ESPL1: variants seen among roughly 807,000 people sequenced by gnomAD.
ESPL1 encodes separin.
A neutral mutation model predicts 217.2 loss-of-function variants in ESPL1; 50 were observed. That is an observed-to-expected ratio of 0.23 (90% confidence interval 0.18 to 0.29). The LOEUF (loss-of-function observed/expected upper bound fraction) is 0.29. ESPL1 is among the 10% of genes least tolerant of loss of function. The probability of loss-of-function intolerance (pLI) is 1.00; values close to 1 mark genes in which losing one functional copy is unlikely to be tolerated. For synonymous variants in ESPL1, 994 were observed against 1,081.3 expected, an observed-to-expected ratio of 0.92 and a Z score of 1.58; for missense variants, 1,834 against 2,603.0, an observed-to-expected ratio of 0.70 and a Z score of 6.43.
At position 53,276,803 on chromosome 12, in the gene ESPL1, C is replaced by T. The variant is rs1565754943; in HGVS notation, c.1884C>T (p.His628=). The T allele has an allele frequency of 1.2e-6, 2 of 1,613,834 alleles. No homozygotes were observed. The highest frequency in any genetic ancestry group is 1.7e-5 in the Admixed American group (1 of 60,008). ...TPAGAWARAT[H]LVELAQVLCY... is the part of the protein sequence containing the mutation. ...CCGGGGCCTGGGCACGAGCCACCCA[C>T]CTGGTAGAACTGGCTCAGGTGCTCT... Residue 628 remains histidine (H), a synonymous_variant, in exon 8 of 31, where the codon CAC becomes CAT. Transcript: ENST00000257934.
chr12:53,284,123 A>G lies in ESPL1; in HGVS notation c.3143A>G (p.Gln1048Arg). The G allele has an allele frequency of 6.2e-7, 1 of 1,614,128 alleles. No homozygotes were observed. The highest frequency in any genetic ancestry group is 2.2e-5 in the East Asian group (1 of 44,884). ...ELARNDIDLC[Q>R]SDLQQVLFLL... is the part of the protein sequence containing the mutation. The stretch of plus-strand genomic sequence containing the variant: ...GCCCGCAATGACATTGATCTCTGTC[A>G]GTCGGACCTGCAGCAGGTTCTGTTC... Residue 1048 changes from glutamine to arginine, a missense_variant, in exon 17 of 31, where the codon CAG becomes CGG. By Grantham distance (43) the Gln-to-Arg change is conservative (BLOSUM62 1). This residue lies in a region of ESPL1 where 107 missense variants were observed against 171.7 expected (regional missense o/e 0.62). Transcript: ENST00000257934.
Position 53,286,230 on chromosome 12 carries a change from T to C in ESPL1, c.3494T>C (p.Leu1165Ser). The C allele has an allele frequency of 6.2e-7, 1 of 1,614,260 alleles. No individual in the cohort carries two copies. The highest frequency in any genetic ancestry group is 8.5e-7 in the Non-Finnish European group (1 of 1,180,050). The part of the protein sequence containing the change: ...VLTAVCLRWV[L>S]VTAGVRLAMG... ...ACAGCAGTCTGTCTGCGCTGGGTAT[T>C]GGTCACGGCAGGGGTGAGGCTGGCC... Residue 1165 changes from leucine to serine, a missense_variant, in exon 18 of 31, where the codon TTG becomes TCG. By Grantham distance (145) the Leu-to-Ser change is moderately radical (BLOSUM62 -2). Around this residue, in one of 5 missense-constraint regions of ESPL1, gnomAD observed 681 missense variants for 808.0 expected, o/e 0.84. Coordinates refer to ENST00000257934, the MANE Select transcript of ESPL1 (RefSeq NM_012291.5). This position sits in a 1 kb window ranked among gnomAD's most constrained non-coding sequence, Gnocchi z 5.3.
In ESPL1 at chr12:53,286,436, G is replaced by A. The variant is rs149415525; in HGVS notation, c.3700G>A (p.Gly1234Ser). ...AQAYTLLALE[G>S]LNQPSNESLQ... ...AGCATACACACTGTTGGCACTGGAG[G>A]GCCTGAACCAGCCATCAAACGAGAG... The change falls in exon 18 of 31, where the codon GGC (glycine) becomes AGC (serine). Residue 1234 changes from glycine (G) to serine (S), a missense_variant. By Grantham distance (56) the Gly-to-Ser change is moderately conservative (BLOSUM62 0). Coordinates refer to ENST00000257934, the MANE Select transcript of ESPL1 (RefSeq NM_012291.5). The surrounding 1 kb of genome is among the most constrained non-coding windows in gnomAD (Gnocchi z 5.3). 1.6e-4 allele frequency: 252 copies of A among 1,614,196 alleles called. No individual in the cohort carries two copies. In the African/African-American group the frequency reaches 2.7e-3, roughly 17 times the overall value.
In ESPL1 at chr12:53,292,161, C is replaced by A; in HGVS notation, c.5796+73C>A. The A allele has an allele frequency of 6.9e-7, 1 of 1,441,714 alleles. No homozygotes were observed. Among genetic ancestry groups the A allele is most frequent in the South Asian group, 1.1e-5 (1 of 87,660 alleles). The allele number at this position is 1,441,714 out of a possible 1,614,324, so 89.3% of individuals were successfully genotyped here. A position where few individuals can be genotyped will look rare whatever the true frequency, so the allele number is the denominator to read the frequency against. On this transcript the variant is annotated intron_variant, in intron 27 of 30. Coordinates refer to ENST00000257934, the MANE Select transcript of ESPL1 (RefSeq NM_012291.5). The surrounding 1 kb of genome is among the most constrained non-coding windows in gnomAD (Gnocchi z 4.5). ...ACGTCAACAAAGAAGGGCAGAGAAACCTGAGAAGATAGGAGAGGGTCCTAG... is the reference window on the plus strand; with the variant it reads ...ACGTCAACAAAGAAGGGCAGAGAAAACTGAGAAGATAGGAGAGGGTCCTAG...
Position 53,293,419 on chromosome 12 carries a change from A to G in ESPL1, c.6308A>G (p.Lys2103Arg). Residue 2103 changes from lysine (K) to arginine (R), a missense_variant, in exon 31 of 31, where the codon AAG becomes AGG. Lys to Arg is a conservative substitution (Grantham distance 26). This residue lies in a region of ESPL1 where 295 missense variants were observed against 519.8 expected (regional missense o/e 0.57). Transcript: ENST00000257934. This position sits in a 1 kb window ranked among gnomAD's most constrained non-coding sequence, Gnocchi z 4.2. The stretch of plus-strand genomic sequence containing the variant: ...CAGGCCCGCCAAGCTCCCCGACTCA[A>G]GTATCTTATTGGGGCTGCACCTATA... ...VNQARQAPRLKYLIGAAPIAY... is the reference protein window; with the variant it reads ...VNQARQAPRLRYLIGAAPIAY... 6.2e-7 allele frequency: 1 copy of G among 1,614,114 alleles called. No homozygotes were observed. The highest frequency in any genetic ancestry group is 8.5e-7 in the Non-Finnish European group (1 of 1,180,024).
intron 18 of ESPL1, 127 bp from the exon 19 acceptor site, chr12:53,287,845 T>A: frequency 1.1e-6 from 1 of 903,030 alleles, no homozygotes; most frequent in East Asian, 2.5e-5. Flanking sequence ...TGTGAGAAGT[T>A]AGTTCTGAAA....
At chr12:53,277,670 C>T in intron 10 of ESPL1, 62 bp downstream of exon 10, 1 of 1,592,428 alleles carries the variant, frequency 6.3e-7, no homozygotes, top group Non-Finnish European at 8.6e-7. Flanking sequence ...GGAACAGGGA[C>T]CCCTGGTGAG....
Position 53,288,336 on chromosome 12 carries a change from C to T in ESPL1, c.4541C>T (p.Ala1514Val), listed in dbSNP as rs779751546. Residue 1514 changes from alanine (A) to valine (V), a missense_variant, in exon 19 of 31, where the codon GCC (alanine) becomes GTC (valine). Coordinates refer to ENST00000257934, the MANE Select transcript of ESPL1 (RefSeq NM_012291.5). ...ILRGSDGEDS[A>V]SGGKTPAPGP... ...AGGGGCTCTGACGGGGAAGACTCAG[C>T]CTCAGGTAGGACAGCAAGGGTGAGG... The T allele has an allele frequency of 8.8e-6, 14 of 1,596,518 alleles. No homozygotes were observed. In the East Asian group the frequency reaches 2.9e-4, roughly 33 times the overall value.
At chr12:53,278,900 C>T (rs770283218) in intron 11 of ESPL1, among the ~76,000 whole-genome samples, 2 of 150,972 alleles carry the variant, frequency 1.3e-5, no homozygotes, top group Non-Finnish European at 2.9e-5. Context: ...GCCCCGCCCC[C>T]CCGCCGAGAT....
chr12:53,269,052 T>C lies in ESPL1; in HGVS notation c.110T>C (p.Phe37Ser). ...TTCCTGTCCAACCCTCCAGCTGGTT[T>C]TCCCAGCAGCCGATCTGATGCTGAG... ...KEFLSNPPAG[F>S]PSSRSDAERR... Residue 37 changes from phenylalanine to serine, a missense_variant, in exon 3 of 31, where the codon TTT (phenylalanine) becomes TCT (serine). Coordinates refer to ENST00000257934, the MANE Select transcript of ESPL1 (RefSeq NM_012291.5). The surrounding 1 kb of genome is among the most constrained non-coding windows in gnomAD (Gnocchi z 6.7). 6.2e-7 allele frequency: 1 copy of C among 1,613,006 alleles called. No homozygotes were observed. Among genetic ancestry groups the C allele is most frequent in the Non-Finnish European group, 8.5e-7 (1 of 1,179,314 alleles).
chr12:53,277,362 T>C (rs1029700778), intron 9 of ESPL1, 108 bp from the exon 10 acceptor site: 1 of 1,486,820 alleles, frequency 6.7e-7, no homozygotes, highest in Admixed American at 2.1e-5. Context: ...CCCAGGCTGG[T>C]CTTGAACTCC....
At position 53,276,827 on chromosome 12, in the gene ESPL1, C is replaced by T; in HGVS notation, c.1908C>T (p.Leu636=). ...ATHLVELAQV[L]CYHDFTQQTN... ...ACCTGGTAGAACTGGCTCAGGTGCT[C>T]TGCTACCACGACTTTACGCAGCAGA... is the stretch of plus-strand genomic sequence containing the variant. The change falls in exon 8 of 31, where the codon CTC becomes CTT. Residue 636 remains leucine (L), a synonymous_variant. Transcript: ENST00000257934. The T allele has an allele frequency of 6.2e-7, 1 of 1,613,886 alleles. No homozygotes were observed. The highest frequency in any genetic ancestry group is 1.3e-5 in the African/African-American group (1 of 75,068).
chr12:53,290,130 C>A lies in ESPL1; in HGVS notation c.5159C>A (p.Thr1720Asn), dbSNP rs1944026387. 1.6e-5 allele frequency: 26 copies of A among 1,613,762 alleles called. No homozygotes were observed. Among genetic ancestry groups the A allele is most frequent in the Non-Finnish European group, 2.1e-5 (25 of 1,180,014 alleles). The change falls in exon 23 of 31, where the codon ACC (threonine) becomes AAC (asparagine). Residue 1720 changes from threonine to asparagine, a missense_variant. Thr to Asn is a moderately conservative substitution (Grantham distance 65). Coordinates refer to ENST00000257934, the MANE Select transcript of ESPL1 (RefSeq NM_012291.5). ...VLALATLQPG[T>N]VGNTLLLTRL... ...GCCCTGGCCACCCTCCAGCCCGGAA[C>A]CGTGGGCAACACCCTCCTGCTGACC...
At chr12:53,270,819 G>A (rs369911857) in intron 5 of ESPL1, 21 bp downstream of exon 5, 3 of 1,613,416 alleles carry the variant, frequency 1.9e-6, no homozygotes, top group Non-Finnish European at 2.5e-6. Flanking sequence ...TGGGTCCCAG[G>A]CACAGAGTTT....
chr12:53,271,748 A>G (rs891593405), intron 5 of ESPL1, among the ~76,000 whole-genome samples: 1 of 152,126 alleles, frequency 6.6e-6, no homozygotes, highest in Non-Finnish European at 1.5e-5. Context: ...CCAGTCATCT[A>G]TGTTGATGGC....
intron 6 of ESPL1, 132 bp downstream of exon 6, chr12:53,272,989 C>T: frequency 1.2e-6 from 1 of 829,622 alleles, no homozygotes; most frequent in Non-Finnish European, 1.8e-6. Context: ...GTATCTGGAG[C>T]AGTGTTTCCC....
intron 12 of ESPL1, among the ~76,000 whole-genome samples, chr12:53,281,134 C>CTTT (rs71068103): frequency 1.2e-4 from 9 of 72,424 alleles, no homozygotes; most frequent in East Asian, 3.6e-4. Context: ...CTTTACTCCA[C>CTTT]TTTTTTTTTT....
At chr12:53,273,836 G>GTTTTTTTTTTTTTTTTTTTTTTT (rs71096001) in intron 6 of ESPL1, among the ~76,000 whole-genome samples, 1 of 63,154 alleles carries the variant, frequency 1.6e-5, no homozygotes, top group African/African-American at 7.8e-5. Context: ...TGGTTTTTTG[G>GTTTTTTTTTTTTTTTTTTTTTTT]TTTTTTTTTT....
chr12:53,275,597 T>C (rs1287461731), intron 7 of ESPL1, among the ~76,000 whole-genome samples: 4 of 152,208 alleles, frequency 2.6e-5, no homozygotes, highest in Admixed American at 2.6e-4. Context: ...ATTCATTGAG[T>C]GCCCACTGTA....
Sources: gnomAD v4.1 joint callset for allele counts (sites outside exome capture counted in the v4.1 genomes callset) on GRCh38, gnomAD v4.1.1 for gene constraint, gnomAD v4.1.1 regional missense constraint, Gnocchi (gnomAD v3.1) non-coding constraint, MANE v1.5 for transcripts, NCBI Gene and HGNC (gene_info 2026-07-23, HGNC 2026-07-21) for gene names.